The following CTNNA3 variants were observed in gnomAD, a reference collection of about 807,000 sequenced individuals.
CTNNA3 encodes the protein catenin alpha 3, also known as catenin alpha-3.
CTNNA3 carries 76 observed loss-of-function variants against 95.7 expected under a neutral mutation model. The observed-to-expected ratio is 0.79, with a 90% confidence interval of 0.66 to 0.96. The LOEUF (loss-of-function observed/expected upper bound fraction) is 0.96. CTNNA3 is among the 40% of genes least tolerant of loss of function. The pLI is 0.00. For missense variants in CTNNA3, 1,191 were observed against 1,089.8 expected, an observed-to-expected ratio of 1.09 and a Z score of -1.31; for synonymous variants, 431 against 374.4, an observed-to-expected ratio of 1.15 and a Z score of -1.74.
chr10:66,933,152 T>C (rs1847503475), intron 7 of CTNNA3, among the ~76,000 whole-genome samples: 1 of 152,214 alleles, frequency 6.6e-6, no homozygotes, highest in Non-Finnish European at 1.5e-5. Context: ...ATGTTTGGCA[T>C]GAGCCAAAAA....
At chr10:66,722,149 C>A (rs529375303) in intron 9 of CTNNA3, among the ~76,000 whole-genome samples, 1 of 152,156 alleles carries the variant, frequency 6.6e-6, no homozygotes, top group African/African-American at 2.4e-5. Context: ...GAGGCTGAGG[C>A]GGGTGGATCA....
Position 66,264,619 on chromosome 10 carries a change from C to T in CTNNA3, c.1884+15851G>A, listed in dbSNP as rs560560571. The stretch of plus-strand genomic sequence containing the variant: ...TAAATGTTCAAAATTTGTTGTGTGT[C>T]GTACATTTACATGGCACATCTCATT... On this transcript the variant is annotated intron_variant, in intron 13 of 17. Coordinates refer to ENST00000433211, the MANE Select transcript of CTNNA3 (RefSeq NM_013266.4). Among the ~76,000 whole-genome samples the T allele has an allele frequency of 2.2e-4, 33 of 151,858 alleles. 1 individual carries two copies. Among genetic ancestry groups the T allele is most frequent in the South Asian group, 2.1e-3 (10 of 4,814 alleles).
At chr10:66,215,391 A>G (rs2088462419) in intron 13 of CTNNA3, among the ~76,000 whole-genome samples, 1 of 152,176 alleles carries the variant, frequency 6.6e-6, no homozygotes, top group Non-Finnish European at 1.5e-5. Context: ...TATAATTCCC[A>G]ATTTACATAT....
intron 5 of CTNNA3, among the ~76,000 whole-genome samples, chr10:67,420,665 A>G (rs1285537176): frequency 6.6e-6 from 1 of 152,178 alleles, no homozygotes; most frequent in Non-Finnish European, 1.5e-5. Context: ...TTCTCAGAGC[A>G]CAGAGTATTA....
intron 15 of CTNNA3, among the ~76,000 whole-genome samples, chr10:66,034,124 A>G (rs1047771828): frequency 2.6e-5 from 4 of 152,058 alleles, no homozygotes; most frequent in Non-Finnish European, 5.9e-5. Flanking sequence ...TATCTTCCTC[A>G]CAGGTGATCT....
chr10:66,321,578 G>A (rs2092186070), intron 12 of CTNNA3, among the ~76,000 whole-genome samples: 1 of 151,804 alleles, frequency 6.6e-6, no homozygotes, highest in South Asian at 2.1e-4. Flanking sequence ...AATATAATTA[G>A]TTGCATACAT....
At chr10:67,301,429 G>A (rs553918267) in intron 5 of CTNNA3, among the ~76,000 whole-genome samples, 37 of 152,238 alleles carry the variant, frequency 2.4e-4, no homozygotes, top group African/African-American at 8.4e-4. Context: ...AGCCATTATA[G>A]AAAACAGCAT....
chr10:66,118,409 G>A (rs1272911324), intron 13 of CTNNA3: 1 of 152,136 alleles, frequency 6.6e-6, no homozygotes, highest in African/African-American at 2.4e-5. Flanking sequence ...TTACAACCCT[G>A]AAGGTATATG....
chr10:65,928,075 T>C (rs747810111), intron 17 of CTNNA3, among the ~76,000 whole-genome samples: 18 of 152,188 alleles, frequency 1.2e-4, no homozygotes, highest in Admixed American at 2.0e-4. Flanking sequence ...TAGCAAAAAA[T>C]GGCTACTACA....
intron 5 of CTNNA3, among the ~76,000 whole-genome samples, chr10:67,367,381 T>A (rs1321976290): frequency 1.3e-5 from 2 of 151,608 alleles, no homozygotes; most frequent in Non-Finnish European, 2.9e-5. Context: ...CTTACACAAG[T>A]CAGAATGTCT....
At chr10:67,239,576 G>T (rs1035512478) in intron 5 of CTNNA3, among the ~76,000 whole-genome samples, 1 of 152,056 alleles carries the variant, frequency 6.6e-6, no homozygotes, top group Non-Finnish European at 1.5e-5. Context: ...ACACCAATGT[G>T]TTTAGTTTGG....
chr10:66,622,719 G>A lies in CTNNA3; in HGVS notation c.1282-935C>T, dbSNP rs12259838. On this transcript the variant is annotated intron_variant, in intron 9 of 17. Transcript: ENST00000433211. Reference sequence around the variant, plus strand: ...TCTGTCAGTTGTTTTATACTTTAACGCATTGCAGTTTTTCCTGCTAAGATC... The same window carrying A: ...TCTGTCAGTTGTTTTATACTTTAACACATTGCAGTTTTTCCTGCTAAGATC... Among the ~76,000 whole-genome samples the A allele has an allele frequency of 6.6e-3, 1,003 of 152,024 alleles. 16 individuals carry two copies. The highest frequency in any genetic ancestry group is 0.023 in the African/African-American group (952 of 41,424).
At chr10:66,949,877 T>A (rs1472591697) in intron 7 of CTNNA3, among the ~76,000 whole-genome samples, 2 of 152,178 alleles carry the variant, frequency 1.3e-5, no homozygotes, top group Non-Finnish European at 2.9e-5. Context: ...AACTATGAAA[T>A]GGAAAAGCTC....
At chr10:67,696,930 T>C (rs1169224466), upstream of CTNNA3, among the ~76,000 whole-genome samples, 1 of 152,238 alleles carries the variant, frequency 6.6e-6, no homozygotes, top group East Asian at 1.9e-4. Context: ...TAATAGCTTC[T>C]AAAACAAGAG....
intron 11 of CTNNA3, among the ~76,000 whole-genome samples, chr10:66,519,827 C>T (rs1364725917): frequency 6.6e-6 from 1 of 152,120 alleles, no homozygotes; most frequent in Non-Finnish European, 1.5e-5. Context: ...GTCATGGGTG[C>T]GTGTCCTGAA....
intron 1 of CTNNA3, among the ~76,000 whole-genome samples, chr10:67,695,261 G>A (rs1840941441): frequency 6.6e-6 from 1 of 152,164 alleles, no homozygotes; most frequent in Admixed American, 6.5e-5. Context: ...AACCTCTACA[G>A]TAAATGAACT....
At chr10:66,375,065 A>G (rs1205190348) in intron 12 of CTNNA3, among the ~76,000 whole-genome samples, 1 of 152,134 alleles carries the variant, frequency 6.6e-6, no homozygotes, top group Non-Finnish European at 1.5e-5. Flanking sequence ...TCTAGAGGAC[A>G]TGAATATAAG....
At chr10:67,308,969 T>A (rs1840670948) in intron 5 of CTNNA3, among the ~76,000 whole-genome samples, 1 of 152,180 alleles carries the variant, frequency 6.6e-6, no homozygotes, top group Non-Finnish European at 1.5e-5. Flanking sequence ...CTTTTTAACC[T>A]CTTAACCTTA....
chr10:67,471,090 G>T (rs1847805953), intron 5 of CTNNA3, among the ~76,000 whole-genome samples: 2 of 152,028 alleles, frequency 1.3e-5, no homozygotes, highest in African/African-American at 2.4e-5. Context: ...GCACGGGGGG[G>T]TGGGGCAATT....
Sources: allele counts gnomAD v4.1 joint callset (sites outside exome capture counted in the v4.1 genomes callset), GRCh38; gene constraint gnomAD v4.1.1; transcripts MANE v1.5; gene names NCBI Gene and HGNC (gene_info 2026-07-23, HGNC 2026-07-21).